The following TET2 variants were observed in gnomAD, a reference collection of about 807,000 sequenced individuals.
TET2 encodes tet methylcytosine dioxygenase 2.
Under a neutral mutation model 142.9 loss-of-function variants are expected in TET2, and 299 were observed. The observed-to-expected ratio is 2.09, with a 90% CI of 1.90 to 2.30. TET2 has a LOEUF of 2.30. TET2 is among the 30% of genes most tolerant of loss of function. The pLI is 0.00. For synonymous variants in TET2, 819 were observed against 849.0 expected, an observed-to-expected ratio of 0.96 and a Z score of 0.61; for missense variants, 2,418 against 2,378.0, an observed-to-expected ratio of 1.02 and a Z score of -0.35.
chr4:105,242,692 A>G, intron 4 of TET2, 142 bp from the exon 5 acceptor site: 1 of 1,444,018 alleles, frequency 6.9e-7, no homozygotes, highest in Non-Finnish European at 9.1e-7. Flanking sequence ...CTTGGCGTAG[A>G]CCTGTTTAAA....
chr4:105,270,133 T>A (rs1056964649), intron 9 of TET2, among the ~76,000 whole-genome samples: 1 of 152,148 alleles, frequency 6.6e-6, no homozygotes, highest in South Asian at 2.1e-4. Flanking sequence ...CCAGACCATA[T>A]CAGCAGCATC....
chr4:105,221,290 A>G (rs967986391), intron 2 of TET2, among the ~76,000 whole-genome samples: 14 of 152,270 alleles, frequency 9.2e-5, no homozygotes, highest in East Asian at 1.9e-4. Context: ...CATTTTACCA[A>G]TAAGAAACTG....
Position 105,269,730 on chromosome 4 carries a change from C to G in TET2, c.4165C>G (p.Gln1389Glu), listed in dbSNP as rs1560569543. 1 of 1,551,548 alleles carries G rather than the reference C, an allele frequency of 6.4e-7. No homozygotes were observed. The highest frequency in any genetic ancestry group is 8.7e-7 in the Non-Finnish European group (1 of 1,146,900). Residue 1389 changes from glutamine (Q) to glutamate (E), a missense_variant, in exon 9 of 11, where the codon CAG becomes GAG. Gln to Glu is a conservative substitution (Grantham distance 29). Coordinates refer to ENST00000380013, the MANE Select transcript of TET2 (RefSeq NM_001127208.3). ...AHAHRDLHNM[Q>E]NGSTLVCTLT... is the part of the protein sequence containing the mutation. ...TGCCCACAGAGACTTGCACAACATGCAGAATGGCAGCACATTGGTAAGTTG... is the reference window on the plus strand; with the variant it reads ...TGCCCACAGAGACTTGCACAACATGGAGAATGGCAGCACATTGGTAAGTTG...
intron 1 of TET2, among the ~76,000 whole-genome samples, chr4:105,175,105 T>C (rs1467503927): frequency 6.6e-6 from 1 of 152,178 alleles, no homozygotes; most frequent in Non-Finnish European, 1.5e-5. Context: ...CCCACACCTT[T>C]TACTATCATA....
chr4:105,242,701 A>G (rs1460481850), intron 4 of TET2, 133 bp from the exon 5 acceptor site: 34 of 1,448,952 alleles, frequency 2.3e-5, no homozygotes, highest in Non-Finnish European at 2.8e-5. Flanking sequence ...GACCTGTTTA[A>G]AAAATAATAA....
At chr4:105,250,113 T>C (rs1440247021) in intron 6 of TET2, among the ~76,000 whole-genome samples, 1 of 152,196 alleles carries the variant, frequency 6.6e-6, no homozygotes, top group Non-Finnish European at 1.5e-5. Context: ...CCTTTGCAAG[T>C]AGCTGTCCAG....
rs2110255376 is a variant in TET2, at chr4:105,243,692, T to G, written c.3717T>G (p.Ser1239=). ...LILVWEGIPL[S]LADKLYSELT... The stretch of plus-strand genomic sequence containing the variant: ...TGGTGTGGGAAGGAATCCCGCTGTC[T>G]CTGGCTGACAAACTCTACTCGGAGC... Residue 1239 remains serine, a synonymous_variant, in exon 6 of 11, where the codon TCT becomes TCG. Transcript: ENST00000380013. The G allele has an allele frequency of 6.4e-7, 1 of 1,551,582 alleles. No individual in the cohort carries two copies. The highest frequency in any genetic ancestry group is 8.7e-7 in the Non-Finnish European group (1 of 1,146,954).
intron 1 of TET2, among the ~76,000 whole-genome samples, chr4:105,173,136 G>T (rs1724570058): frequency 6.6e-6 from 1 of 152,058 alleles, no homozygotes; most frequent in South Asian, 2.1e-4. Context: ...CAACACAAAG[G>T]ATAAAAAGTT....
intron 8 of TET2, among the ~76,000 whole-genome samples, chr4:105,268,944 G>C (rs1327837408): frequency 6.6e-6 from 1 of 152,164 alleles, no homozygotes; most frequent in East Asian, 1.9e-4. Context: ...CTGCACTCCA[G>C]CCTGGGTGAC....
intron 1 of TET2, among the ~76,000 whole-genome samples, chr4:105,165,377 CA>C (rs1305454058): frequency 6.6e-6 from 1 of 151,678 alleles, no homozygotes; most frequent in Non-Finnish European, 1.5e-5. Context: ...CTTCGTCTCC[CA>C]AAAAATAAAA....
intron 2 of TET2, among the ~76,000 whole-genome samples, chr4:105,204,241 A>ACC: frequency 7.1e-6 from 1 of 141,492 alleles, no homozygotes; most frequent in African/African-American, 2.9e-5. Context: ...ATATACACAC[A>ACC]CACACACACA....
At chr4:105,165,001 A>G (rs1050183470) in intron 1 of TET2, among the ~76,000 whole-genome samples, 5 of 152,200 alleles carry the variant, frequency 3.3e-5, no homozygotes, top group Non-Finnish European at 5.9e-5. Flanking sequence ...AGTACTAAGG[A>G]CTATAGATAT....
chr4:105,227,095 A>T (rs1163488365), intron 2 of TET2, among the ~76,000 whole-genome samples: 7 of 152,238 alleles, frequency 4.6e-5, no homozygotes, highest in Non-Finnish European at 1.5e-5. Context: ...CAGGAATTGC[A>T]TGAGCTGTAG....
chr4:105,190,618 ACTTTT>A (rs1354140999), intron 2 of TET2, 113 bp downstream of exon 2: 2 of 616,922 alleles, frequency 3.2e-6, no homozygotes, highest in Non-Finnish European at 5.8e-6. Flanking sequence ...CCTCTCAAAT[ACTTTT>A]CTTTATTGTC....
At chr4:105,223,926 A>G (rs970687997) in intron 2 of TET2, among the ~76,000 whole-genome samples, 2 of 152,166 alleles carry the variant, frequency 1.3e-5, no homozygotes, top group African/African-American at 4.8e-5. Context: ...ATTTACCCTC[A>G]GTAATCTGAA....
rs1243524162 is a variant in TET2 at position 105,272,648 on chromosome 4, G to C, written c.4267G>C (p.Val1423Leu). 5.2e-5 allele frequency: 81 copies of C among 1,551,578 alleles called. No individual in the cohort carries two copies. The highest frequency in any genetic ancestry group is 6.8e-5 in the Non-Finnish European group (78 of 1,146,986). The change falls in exon 10 of 11, where the codon GTC becomes CTC. Residue 1423 changes from valine to leucine, a missense_variant. Coordinates refer to ENST00000380013, the MANE Select transcript of TET2 (RefSeq NM_001127208.3). ...EQLHVLPLYK[V>L]SDVDEFGSVE... is the part of the protein sequence containing the mutation. ...GCTTCACGTTCTGCCTTTATACAAA[G>C]TCTCTGACGTGGATGAGTTTGGGAG...
In TET2 at chr4:105,276,375, GCCACATGAA is replaced by G; in HGVS notation, c.5866_5874del (p.Pro1956_Glu1958del). ...AAAAAGTGAAACGGGAGCCTGCTGA[GCCACATGAA>G]ACTTCAGAGCCCACTTACCTGCGTT... is the stretch of plus-strand genomic sequence containing the variant. On this transcript the variant is annotated inframe_deletion, in exon 11 of 11. Transcript: ENST00000380013. 6.4e-7 allele frequency: 1 copy of G among 1,551,946 alleles called. No homozygotes were observed. Among genetic ancestry groups the G allele is most frequent in the South Asian group, 1.2e-5 (1 of 84,062 alleles).
Position 105,234,427 on chromosome 4 carries a change from A to T in TET2, c.485A>T (p.Asp162Val), listed in dbSNP as rs1449245347. 5 of 1,613,984 alleles carry T rather than the reference A, an allele frequency of 3.1e-6. No individual in the cohort carries two copies. The East Asian group carries it at 1.1e-4, about 36-fold the overall frequency. Residue 162 changes from aspartate to valine, a missense_variant, in exon 3 of 11, where the codon GAT (aspartate) becomes GTT (valine). Asp to Val is a radical substitution (Grantham distance 152). Coordinates refer to ENST00000380013, the MANE Select transcript of TET2 (RefSeq NM_001127208.3). Reference protein sequence around the residue: ...SSVAQENAVKDFTSFSTHNCS... With the variant: ...SSVAQENAVKVFTSFSTHNCS... ...GTAGCCCAAGAAAATGCAGTTAAAG[A>T]TTTCACCAGTTTTTCAACACATAAC...
chr4:105,259,618 G>T lies in TET2; in HGVS notation c.3804-1G>T. On this transcript the variant is annotated splice_acceptor_variant, in intron 6 of 10. Coordinates refer to ENST00000380013, the MANE Select transcript of TET2 (RefSeq NM_001127208.3). LOFTEE classifies it high-confidence loss of function. ...ATGAATTTGGTCTTTTGATTTTTCA[G>T]GAGAACTTGCGCCTGTCAGGGGCTG... 6.5e-7 allele frequency: 1 copy of T among 1,550,338 alleles called. No homozygotes were observed. Among genetic ancestry groups the T allele is most frequent in the Non-Finnish European group, 8.7e-7 (1 of 1,146,168 alleles).
Sources: allele counts gnomAD v4.1 joint callset (sites outside exome capture counted in the v4.1 genomes callset), GRCh38; gene constraint gnomAD v4.1.1; transcripts MANE v1.5; gene names NCBI Gene and HGNC (gene_info 2026-07-23, HGNC 2026-07-21).